The following ETFA variants were observed in gnomAD, a reference collection of about 807,000 sequenced individuals.
ETFA encodes the protein electron transfer flavoprotein subunit alpha, mitochondrial.
Under a neutral mutation model 46.2 loss-of-function variants are expected in ETFA, and 22 were observed. The ratio of observed to expected loss-of-function variants is 0.48; its 90% CI spans 0.34 to 0.68. ETFA has a LOEUF of 0.68. ETFA is among the 30% of genes least tolerant of loss of function. The probability of loss-of-function intolerance (pLI) is 0.01; values close to 1 mark genes in which losing one functional copy is unlikely to be tolerated. For synonymous variants in ETFA, 131 were observed against 139.9 expected (o/e 0.94, Z 0.45); for missense variants, 345 against 401.1 (o/e 0.86, Z 1.19).
At chr15:76,226,713 C>A (rs2039008171) in intron 10 of ETFA, among the ~76,000 whole-genome samples, 2 of 152,164 alleles carry the variant, frequency 1.3e-5, no homozygotes, top group East Asian at 3.9e-4. Flanking sequence ...CCCGTCTCTA[C>A]TAAAAAACAC....
Position 76,311,464 on chromosome 15 carries a change from C to T in ETFA, c.-76G>A. 1 of 1,519,634 alleles carries T rather than the reference C, an allele frequency of 6.6e-7. No homozygotes were observed. Among genetic ancestry groups the T allele is most frequent in the Non-Finnish European group, 8.9e-7 (1 of 1,127,466 alleles). The allele number at this position is 1,519,634 out of a possible 1,614,324, so 94.1% of individuals were successfully genotyped here. ...CAACTGGCGCCGCCTCAGCCAGTCA[C>T]CTAATGCTCGCGAGACGCGCGAACG... On this transcript the variant is annotated 5_prime_UTR_variant, in exon 1 of 12. It adds an upstream start codon to the 5' untranslated region. Transcript: ENST00000557943.
chr15:76,236,968 A>C (rs1353924620), intron 9 of ETFA, among the ~76,000 whole-genome samples: 1 of 152,242 alleles, frequency 6.6e-6, no homozygotes, highest in South Asian at 2.1e-4. Flanking sequence ...AAAAATTAAA[A>C]TGGAAATTTA....
intron 1 of ETFA, among the ~76,000 whole-genome samples, chr15:76,308,055 A>G (rs2039954565): frequency 6.6e-6 from 1 of 152,204 alleles, no homozygotes; most frequent in South Asian, 2.1e-4. Context: ...CACTTTACAA[A>G]CATGAGACAA....
chr15:76,240,815 G>A (rs1360164838), intron 9 of ETFA, among the ~76,000 whole-genome samples: 1 of 151,682 alleles, frequency 6.6e-6, no homozygotes, highest in African/African-American at 2.4e-5. Context: ...GGGAAGCTGA[G>A]GCAGGAGGAT....
intron 11 of ETFA, 139 bp from the exon 12 acceptor site, chr15:76,216,736 G>A: frequency 3.0e-6 from 2 of 657,506 alleles, no homozygotes; most frequent in Non-Finnish European, 5.5e-6. Context: ...CTCTCCACCA[G>A]GAACCCCCTG....
chr15:76,218,556 C>A (rs2038922627), intron 11 of ETFA, among the ~76,000 whole-genome samples: 1 of 152,214 alleles, frequency 6.6e-6, no homozygotes, highest in Non-Finnish European at 1.5e-5. Flanking sequence ...CAGGCGTGAG[C>A]CACTGCACCC....
intron 9 of ETFA, chr15:76,260,519 GAC>G: frequency 6.7e-7 from 1 of 1,487,646 alleles, no homozygotes; most frequent in Non-Finnish European, 9.3e-7. Flanking sequence ...CTGCACTGGA[GAC>G]ACACACACGT....
rs559508417 is a variant in ETFA, at chr15:76,289,864, T to C, written c.352-1919A>G. 5.6e-4 allele frequency among the ~76,000 whole-genome samples: 86 copies of C among 152,294 alleles called. No homozygotes were observed. The Middle Eastern group carries it at 0.01, about 18-fold the overall frequency. On this transcript the variant is annotated intron_variant, in intron 4 of 11. Coordinates refer to ENST00000557943, the MANE Select transcript of ETFA (RefSeq NM_000126.4). ...CTCAAAACTCCCATCTGTTACAACA[T>C]AGCAATCATGGCCAGAGTACTAAAA...
chr15:76,262,474 C>CTTTTTTTTTTTTTTTTTTT (rs60480510), intron 9 of ETFA, among the ~76,000 whole-genome samples: 1 of 84,688 alleles, frequency 1.2e-5, no homozygotes, highest in Non-Finnish European at 2.2e-5. Flanking sequence ...ATCAAACCCC[C>CTTTTTTTTTTTTTTTTTTT]TTTTTTTTTT....
chr15:76,276,571 C>G (rs2141518975), intron 8 of ETFA, among the ~76,000 whole-genome samples: 1 of 152,146 alleles, frequency 6.6e-6, no homozygotes, highest in South Asian at 2.1e-4. Flanking sequence ...ATGTTATACT[C>G]TTAGAAGCTG....
In ETFA at chr15:76,262,276, G is replaced by T. The variant is rs2039422081; in HGVS notation, c.816+12136C>A. ...AACAGAACTCCAGCAATCTGGGAAAGAACATCAAGATATCTAAAACATGTG... is the reference window on the plus strand; with the variant it reads ...AACAGAACTCCAGCAATCTGGGAAATAACATCAAGATATCTAAAACATGTG... On this transcript the variant is annotated intron_variant, in intron 9 of 11. Coordinates refer to ENST00000557943, the MANE Select transcript of ETFA (RefSeq NM_000126.4). 2.6e-5 allele frequency among the ~76,000 whole-genome samples: 4 copies of T among 151,664 alleles called. No homozygotes were observed. The South Asian group carries it at 8.3e-4, about 32-fold the overall frequency.
intron 9 of ETFA, chr15:76,261,616 CGCCAGCAGCAGCCCCA>C (rs1567207347): frequency 2.3e-6 from 1 of 440,242 alleles, no homozygotes; most frequent in African/African-American, 2.0e-5. Flanking sequence ...AAGTCAGAGC[CGCCAGCAGCAGCCCCA>C]GCTGCTGTGG....
intron 8 of ETFA, among the ~76,000 whole-genome samples, chr15:76,278,082 G>A (rs1317070436): frequency 6.6e-6 from 1 of 150,788 alleles, no homozygotes. Context: ...CTTCTTATAT[G>A]CCAGATTGGA....
At chr15:76,257,518 A>G (rs1185785670) in intron 9 of ETFA, among the ~76,000 whole-genome samples, 1 of 152,214 alleles carries the variant, frequency 6.6e-6, no homozygotes, top group African/African-American at 2.4e-5. Context: ...TCAGGAAACA[A>G]CAGGTGCTGG....
intron 9 of ETFA, among the ~76,000 whole-genome samples, chr15:76,233,243 T>C (rs1046954116): frequency 5.3e-5 from 8 of 152,034 alleles, no homozygotes; most frequent in East Asian, 1.9e-4. Context: ...GACATCATAC[T>C]GTCTCTCAGA....
rs190502836 is a variant in ETFA at position 76,250,733 on chromosome 15, C to T, written c.817-19335G>A. ...TTTTTTTAAAGTAGAAAGGAGGTCT[C>T]GCTATGTTGCCCAGCCTGGTCCCAA... On this transcript the variant is annotated intron_variant, in intron 9 of 11. Coordinates refer to ENST00000557943, the MANE Select transcript of ETFA (RefSeq NM_000126.4). Among the ~76,000 whole-genome samples the T allele has an allele frequency of 4.4e-3, 668 of 151,534 alleles. 8 individuals are homozygous for T. The highest frequency in any genetic ancestry group is 0.015 in the Admixed American group (235 of 15,208).
At position 76,273,538 on chromosome 15, in the gene ETFA, G is replaced by A. The variant is rs139827530; in HGVS notation, c.816+874C>T. On this transcript the variant is annotated intron_variant, in intron 9 of 11. Coordinates refer to ENST00000557943, the MANE Select transcript of ETFA (RefSeq NM_000126.4). The stretch of plus-strand genomic sequence containing the variant: ...CCACTGTACTCCAGCCTGGGTGACA[G>A]AGCAAGACTCATCTCAAACAAAACA... Among the ~76,000 whole-genome samples, 58 of 151,374 alleles carry A rather than the reference G, an allele frequency of 3.8e-4. 1 individual carries two copies. In the East Asian group the frequency reaches 0.011, roughly 29 times the overall value.
chr15:76,263,868 G>GT (rs1327937532), intron 9 of ETFA, among the ~76,000 whole-genome samples: 2 of 152,288 alleles, frequency 1.3e-5, no homozygotes, highest in Admixed American at 6.5e-5. Context: ...ACTAAAAAAA[G>GT]TATGTTTTAC....
intron 11 of ETFA, among the ~76,000 whole-genome samples, chr15:76,222,648 G>C (rs1453062786): frequency 6.6e-6 from 1 of 152,178 alleles, no homozygotes; most frequent in Non-Finnish European, 1.5e-5. Context: ...AGAAATGAGA[G>C]AGAAGGGGAA....
Sources: allele counts gnomAD v4.1 joint callset (sites outside exome capture counted in the v4.1 genomes callset), GRCh38; gene constraint gnomAD v4.1.1; transcripts MANE v1.5; gene names NCBI Gene and HGNC (gene_info 2026-07-23, HGNC 2026-07-21).